Variants in ABR observed in about 807,000 individuals in gnomAD.
ABR encodes ABR activator of RhoGEF and GTPase.
A neutral mutation model predicts 107.2 loss-of-function variants in ABR; 35 were observed. The ratio of observed to expected loss-of-function variants is 0.33; its 90% CI spans 0.25 to 0.43. The LOEUF (loss-of-function observed/expected upper bound fraction) is 0.43, where lower values mean the gene tolerates loss of function less well. Among genes scored for constraint, ABR ranks in the 20% least tolerant of loss-of-function variants. ABR has a pLI of 1.00. For missense variants in ABR, 815 were observed against 1,115.2 expected, an observed-to-expected ratio of 0.73 and a Z score of 3.83; for synonymous variants, 498 against 462.0, an observed-to-expected ratio of 1.08 and a Z score of -1.00.
intron 16 of ABR, among the ~76,000 whole-genome samples, chr17:1,039,223 G>C (rs905736010): frequency 6.6e-6 from 1 of 152,168 alleles, no homozygotes; most frequent in Non-Finnish European, 1.5e-5. Flanking sequence ...CAGGGGGAGC[G>C]GGCGCCAAGC....
chr17:1,174,322 C>T (rs1315420078), intron 1 of ABR, among the ~76,000 whole-genome samples: 4 of 152,186 alleles, frequency 2.6e-5, no homozygotes, highest in Non-Finnish European at 5.9e-5. Context: ...TGGGCTATTC[C>T]GAAAACAAGC....
chr17:1,187,612 G>A (rs745964448), upstream of ABR, among the ~76,000 whole-genome samples: 12 of 152,188 alleles, frequency 7.9e-5, no homozygotes, highest in South Asian at 2.1e-4. Context: ...CAAATGGGCC[G>A]GGTGTGGCAG....
intron 16 of ABR, among the ~76,000 whole-genome samples, chr17:1,036,699 G>C (rs1266860280): frequency 6.6e-6 from 1 of 152,022 alleles, no homozygotes; most frequent in Non-Finnish European, 1.5e-5. Flanking sequence ...GGACAGCTGT[G>C]GGGGAGTGGG....
intron 3 of ABR, among the ~76,000 whole-genome samples, chr17:1,093,695 C>T (rs190054061): frequency 2.0e-5 from 3 of 152,266 alleles, no homozygotes; most frequent in East Asian, 1.9e-4. Context: ...CTCTGAACGA[C>T]GACCACCAGC....
At chr17:1,066,411 A>T (rs924323174) in intron 10 of ABR, among the ~76,000 whole-genome samples, 2 of 151,964 alleles carry the variant, frequency 1.3e-5, no homozygotes. Flanking sequence ...CTCTCTCCTT[A>T]TTTATTTGCC....
Position 1,050,497 on chromosome 17 carries a change from T to C in ABR, c.1659+40A>G, listed in dbSNP as rs2257222. 549,150 of 1,566,336 alleles carry C rather than the reference T, an allele frequency of 0.35. 98,513 individuals carry two copies. Among genetic ancestry groups the C allele is most frequent in the South Asian group, 0.44 (39,994 of 90,122 alleles). On this transcript the variant is annotated intron_variant, in intron 15 of 22. Transcript: ENST00000302538. The surrounding 1 kb of genome is among the most constrained non-coding windows in gnomAD (Gnocchi z 4.6). ...CAGCAGACAAGCCACGAGCACGGGG[T>C]GGTGGGGTCCCCACAGAGATGCCAG... is the stretch of plus-strand genomic sequence containing the variant.
chr17:1,127,304 G>A (rs367818799), intron 1 of ABR, among the ~76,000 whole-genome samples: 4 of 152,108 alleles, frequency 2.6e-5, no homozygotes, highest in Admixed American at 6.5e-5. Context: ...ACTGAGACGC[G>A]TGTACGCCAC....
intron 2 of ABR, among the ~76,000 whole-genome samples, chr17:1,101,774 C>T (rs553429257): frequency 2.6e-5 from 4 of 151,306 alleles, no homozygotes; most frequent in Admixed American, 6.6e-5. Flanking sequence ...CGCTCTGTCG[C>T]CCAGGCTAGA....
At position 1,070,241 on chromosome 17, in the gene ABR, T is replaced by G. The variant is rs1334010688; in HGVS notation, c.895-151A>C. On this transcript the variant is annotated intron_variant, in intron 8 of 22. Transcript: ENST00000302538. The surrounding 1 kb of genome is among the most constrained non-coding windows in gnomAD (Gnocchi z 4.2). ...AACCAAAGGTGGTTCAAGCACTGCC[T>G]TTGGAGTCACATGGGCATGGGTTTG... 1 of 1,024,546 alleles carries G rather than the reference T, an allele frequency of 9.8e-7. No individual in the cohort carries two copies. The highest frequency in any genetic ancestry group is 2.6e-5 in the East Asian group (1 of 38,678). The allele number at this position is 1,024,546 out of a possible 1,614,324, so 63.5% of individuals were successfully genotyped here. A position where few individuals can be genotyped will look rare whatever the true frequency, so the allele number is the denominator to read the frequency against.
intron 18 of ABR, 121 bp from the exon 19 acceptor site, chr17:1,012,106 GGGGGCA>G (rs749209168): frequency 3.0e-5 from 45 of 1,507,758 alleles, no homozygotes; most frequent in Non-Finnish European, 3.7e-5. Context: ...GAGCTGGGGC[GGGGGCA>G]GGGGCAGGGC....
chr17:1,109,944 G>A (rs2038564972), intron 2 of ABR, among the ~76,000 whole-genome samples: 1 of 88,856 alleles, frequency 1.1e-5, no homozygotes, highest in African/African-American at 4.6e-5. Context: ...CCCACTCACA[G>A]ACCAGCCCCC....
chr17:1,035,399 C>G (rs1483627397), intron 16 of ABR, among the ~76,000 whole-genome samples: 1 of 122,196 alleles, frequency 8.2e-6, no homozygotes, highest in Non-Finnish European at 1.8e-5. Flanking sequence ...TCCCCCACAC[C>G]TGCTCCCCCA....
chr17:1,190,730 CG>C (rs1407284409), upstream of ABR, among the ~76,000 whole-genome samples: 1 of 152,072 alleles, frequency 6.6e-6, no homozygotes, highest in Non-Finnish European at 1.5e-5. Context: ...GGTGGGTGCC[CG>C]TCCCGTCTGC....
At chr17:1,162,037 G>A (rs968134323) in intron 1 of ABR, among the ~76,000 whole-genome samples, 3 of 152,160 alleles carry the variant, frequency 2.0e-5, no homozygotes, top group Admixed American at 6.5e-5. Flanking sequence ...ACTTTACATG[G>A]GGACGCTGGG....
chr17:1,095,544 A>G (rs4968160), intron 3 of ABR, among the ~76,000 whole-genome samples: 20,063 of 152,180 alleles, frequency 0.13, 1,407 homozygotes, highest in South Asian at 0.22. Context: ...CGGCACAGCC[A>G]TTCTGCCAAA....
In ABR at chr17:1,092,282, G is replaced by A. The variant is rs192144714; in HGVS notation, c.346-432C>T. ...TCCAAGAAACAGAATGTGGTTCTAG[G>A]ACTCAGAAGGTAGGGACCCGAAGTT... On this transcript the variant is annotated intron_variant, in intron 3 of 22. Coordinates refer to ENST00000302538, the MANE Select transcript of ABR (RefSeq NM_021962.5). The surrounding 1 kb of genome is among the most constrained non-coding windows in gnomAD (Gnocchi z 4.6). Among the ~76,000 whole-genome samples the A allele has an allele frequency of 2.0e-5, 3 of 152,304 alleles. No individual in the cohort carries two copies. The highest frequency in any genetic ancestry group is 2.9e-5 in the Non-Finnish European group (2 of 68,038).
rs569678974 is a variant in ABR at position 1,091,494 on chromosome 17, C to T, written c.531+171G>A. On this transcript the variant is annotated intron_variant, in intron 4 of 22. Coordinates refer to ENST00000302538, the MANE Select transcript of ABR (RefSeq NM_021962.5). ...CAGGGGAGGCCTAGAGTCAAGGCCCCGGCCCCAGGCACCCCATAACACACA... is the reference window on the plus strand; with the variant it reads ...CAGGGGAGGCCTAGAGTCAAGGCCCTGGCCCCAGGCACCCCATAACACACA... 2.6e-5 allele frequency among the ~76,000 whole-genome samples: 4 copies of T among 152,322 alleles called. No homozygotes were observed. The East Asian group carries it at 5.8e-4, about 22-fold the overall frequency.
In ABR at chr17:1,070,373, T is replaced by G. The variant is rs1235064489; in HGVS notation, c.895-283A>C. On this transcript the variant is annotated intron_variant, in intron 8 of 22. Transcript: ENST00000302538. This position sits in a 1 kb window ranked among gnomAD's most constrained non-coding sequence, Gnocchi z 4.2. ...GGACAGTGAGGTCTGCCTCATAAGG[T>G]GACTCATCGAGATGGTGCATGTGAA... Among the ~76,000 whole-genome samples the G allele has an allele frequency of 1.3e-5, 2 of 152,106 alleles. No homozygotes were observed. Among genetic ancestry groups the G allele is most frequent in the East Asian group, 3.9e-4 (2 of 5,152 alleles).
rs796073690 is a variant in ABR, at chr17:1,210,203, T to C, written c.838+18590A>G. On this transcript the variant is annotated intron_variant, in intron 1 of 22. Transcript: ENST00000574139. This position sits in a 1 kb window ranked among gnomAD's most constrained non-coding sequence, Gnocchi z 5.6. ...TTGGTACTGTGGGGGCTGTCACTTT[T>C]TACCTGCGTAGAAAGTTCTGACCTA... Among the ~76,000 whole-genome samples, 17 of 152,270 alleles carry C rather than the reference T, an allele frequency of 1.1e-4. 2 individuals are homozygous for C. Among genetic ancestry groups the C allele is most frequent in the African/African-American group, 3.9e-4 (16 of 41,558 alleles).
Sources: allele counts gnomAD v4.1 joint callset (sites outside exome capture counted in the v4.1 genomes callset), GRCh38; gene constraint gnomAD v4.1.1; non-coding constraint Gnocchi (gnomAD v3.1); transcripts MANE v1.5; gene names NCBI Gene and HGNC (gene_info 2026-07-23, HGNC 2026-07-21).